Variants in SDK1 observed in about 807,000 individuals in gnomAD.
SDK1 encodes the protein protein sidekick-1.
A neutral mutation model predicts 245.5 loss-of-function variants in SDK1; 157 were observed. The observed-to-expected ratio is 0.64, with a 90% CI of 0.56 to 0.73. The LOEUF is 0.73. SDK1 is among the 30% of genes least tolerant of loss of function. The pLI is 0.00. For missense variants in SDK1, 3,583 were observed against 3,002.3 expected (o/e 1.19, Z -4.52); for synonymous variants, 1,647 against 1,278.5 (o/e 1.29, Z -6.15).
At chr7:3,318,777 T>G (rs1203123173) in intron 1 of SDK1, among the ~76,000 whole-genome samples, 1 of 152,214 alleles carries the variant, frequency 6.6e-6, no homozygotes, top group Non-Finnish European at 1.5e-5. Context: ...TTGTTGGTTT[T>G]AGTACTAGAA....
At chr7:3,467,985 A>T (rs1185887847) in intron 1 of SDK1, among the ~76,000 whole-genome samples, 1 of 150,582 alleles carries the variant, frequency 6.6e-6, no homozygotes, top group African/African-American at 2.5e-5. Context: ...ATGTTTTTTT[A>T]ATGAAGATTT....
chr7:3,510,565 A>C (rs7805283), intron 1 of SDK1, among the ~76,000 whole-genome samples: 44,209 of 151,972 alleles, frequency 0.29, 6,813 homozygotes, highest in African/African-American at 0.35. Flanking sequence ...ACTTCTGTGC[A>C]CTTTTGAGGT....
intron 1 of SDK1, among the ~76,000 whole-genome samples, chr7:3,538,898 C>T (rs368519285): frequency 5.9e-5 from 9 of 152,322 alleles, no homozygotes; most frequent in African/African-American, 9.6e-5. Context: ...TTATGGTTGT[C>T]CACACAAAGA....
At chr7:3,951,173 C>T (rs1056296585) in intron 6 of SDK1, 139 bp downstream of exon 6, 10 of 659,830 alleles carry the variant, frequency 1.5e-5, no homozygotes, top group East Asian at 1.1e-4. Flanking sequence ...GCCATGAATA[C>T]GAGATATGGG....
chr7:3,475,275 C>T (rs1477256211), intron 1 of SDK1, among the ~76,000 whole-genome samples: 1 of 152,106 alleles, frequency 6.6e-6, no homozygotes. Flanking sequence ...ACTTGTTCTC[C>T]CCTCTGTCTG....
chr7:3,638,724 T>A (rs1296195987), intron 2 of SDK1, among the ~76,000 whole-genome samples: 1 of 151,242 alleles, frequency 6.6e-6, no homozygotes, highest in Non-Finnish European at 1.5e-5. Flanking sequence ...GCATGGCACA[T>A]GTATACATAT....
At chr7:3,526,584 T>C (rs1475802923) in intron 1 of SDK1, among the ~76,000 whole-genome samples, 1 of 152,234 alleles carries the variant, frequency 6.6e-6, no homozygotes, top group African/African-American at 2.4e-5. Flanking sequence ...TTATGTTTTT[T>C]CTCCATCACT....
At chr7:3,320,751 A>C (rs191392680) in intron 1 of SDK1, among the ~76,000 whole-genome samples, 290 of 152,316 alleles carry the variant, frequency 1.9e-3, no homozygotes, top group Admixed American at 3.2e-3. Flanking sequence ...AAAATACCAT[A>C]AGACCAGTCA....
At chr7:3,715,729 G>A (rs942422539) in intron 4 of SDK1, among the ~76,000 whole-genome samples, 12 of 151,996 alleles carry the variant, frequency 7.9e-5, no homozygotes, top group Non-Finnish European at 1.5e-4. Flanking sequence ...TATCGAAAAC[G>A]TCCACAGAGA....
chr7:3,752,026 C>T (rs989253078), intron 4 of SDK1, among the ~76,000 whole-genome samples: 2 of 152,192 alleles, frequency 1.3e-5, no homozygotes, highest in African/African-American at 4.8e-5. Flanking sequence ...AAAAGTACTC[C>T]TTTGGCCTTC....
chr7:3,379,191 G>A (rs151108890), intron 1 of SDK1, among the ~76,000 whole-genome samples: 224 of 152,232 alleles, frequency 1.5e-3, no homozygotes, highest in Middle Eastern at 6.8e-3. Context: ...TATTGTGCGG[G>A]GCAATGTGCT....
At chr7:4,127,529 A>G (rs202051662) in intron 26 of SDK1, 33 bp downstream of exon 26, 1 of 1,509,200 alleles carries the variant, frequency 6.6e-7, no homozygotes, top group East Asian at 2.3e-5. Flanking sequence ...CCCTTTGCTT[A>G]AAGAGTGGGC....
At chr7:3,791,271 C>T (rs1457835975) in intron 4 of SDK1, among the ~76,000 whole-genome samples, 1 of 152,016 alleles carries the variant, frequency 6.6e-6, no homozygotes, top group Non-Finnish European at 1.5e-5. Context: ...TAGATGAATC[C>T]GCCTCGTGGA....
chr7:3,382,695 G>A (rs1326852151), intron 1 of SDK1, among the ~76,000 whole-genome samples: 1 of 151,940 alleles, frequency 6.6e-6, no homozygotes, highest in Non-Finnish European at 1.5e-5. Flanking sequence ...TCCTATGTTG[G>A]CAAAATTATA....
chr7:4,266,164 C>T lies in SDK1; in HGVS notation c.*780C>T. 2 of 985,514 alleles carry T rather than the reference C, an allele frequency of 2.0e-6. No individual in the cohort carries two copies. Among genetic ancestry groups the T allele is most frequent in the East Asian group, 2.3e-4 (2 of 8,820 alleles). The allele number at this position is 985,514 out of a possible 1,614,324, so 61.0% of individuals were successfully genotyped here. ...GCCCTCTCCTTCCCCGAACACAGCA[C>T]ACGGTCAACTCCGCGGGACACGAGG... On this transcript the variant is annotated 3_prime_UTR_variant, in exon 45 of 45. Coordinates refer to ENST00000404826, the MANE Select transcript of SDK1 (RefSeq NM_152744.4).
intron 1 of SDK1, among the ~76,000 whole-genome samples, chr7:3,603,295 T>G (rs1402563729): frequency 6.8e-6 from 1 of 148,094 alleles, no homozygotes; most frequent in Non-Finnish European, 1.5e-5. Flanking sequence ...TTCACGATAT[T>G]GATTCTTCCT....
chr7:4,170,453 A>G (rs972249693), intron 32 of SDK1, among the ~76,000 whole-genome samples: 3 of 152,070 alleles, frequency 2.0e-5, no homozygotes, highest in Non-Finnish European at 2.9e-5. Context: ...TCTCAAAAAA[A>G]AAGAACAGAA....
chr7:3,946,415 A>G (rs1386116654), intron 5 of SDK1, among the ~76,000 whole-genome samples: 1 of 152,098 alleles, frequency 6.6e-6, no homozygotes, highest in Non-Finnish European at 1.5e-5. Context: ...CCTGAATTGA[A>G]GTGATCCTCC....
chr7:3,571,872 T>A (rs192471861), intron 1 of SDK1, among the ~76,000 whole-genome samples: 159 of 152,182 alleles, frequency 1.0e-3, no homozygotes, highest in African/African-American at 3.2e-3. Flanking sequence ...TTTTAAAAGC[T>A]AATCGGTATA....
Sources: allele counts gnomAD v4.1 joint callset (sites outside exome capture counted in the v4.1 genomes callset), GRCh38; gene constraint gnomAD v4.1.1; transcripts MANE v1.5; gene names NCBI Gene and HGNC (gene_info 2026-07-23, HGNC 2026-07-21).